NTRK2: variants seen among roughly 807,000 people sequenced by gnomAD.
The protein encoded by NTRK2 is neurotrophic receptor tyrosine kinase 2, also known as BDNF/NT-3 growth factors receptor.
In NTRK2, 13 loss-of-function variants were observed where a neutral mutation model predicts 94.5. The observed-to-expected ratio is 0.14, with a 90% CI of 0.09 to 0.22. The LOEUF is 0.22. NTRK2 is among the 10% of genes least tolerant of loss of function. The pLI, the probability that NTRK2 is intolerant of heterozygous loss-of-function variation, is 1.00. For synonymous variants in NTRK2, 372 were observed against 407.4 expected (o/e 0.91, Z 1.05); for missense variants, 639 against 1,071.2 (o/e 0.60, Z 5.63).
At chr9:84,971,430 A>T (rs533222977) in intron 17 of NTRK2, among the ~76,000 whole-genome samples, 54 of 152,332 alleles carry the variant, frequency 3.5e-4, no homozygotes, top group South Asian at 6.2e-4. Context: ...AGGGAATCTA[A>T]CCAGGTTAGA....
chr9:84,873,517 A>C (rs200160085), intron 14 of NTRK2: 60 of 1,056,996 alleles, frequency 5.7e-5, no homozygotes, highest in South Asian at 1.4e-4. Context: ...CCCCATTGCT[A>C]GCTACAACAA....
chr9:84,751,995 G>A lies in NTRK2; in HGVS notation c.1306G>A (p.Val436Met). 1 of 1,613,976 alleles carries A rather than the reference G, an allele frequency of 6.2e-7. No homozygotes were observed. The highest frequency in any genetic ancestry group is 8.5e-7 in the Non-Finnish European group (1 of 1,179,876). Residue 436 changes from valine (V) to methionine (M), a missense_variant, in exon 12 of 19, where the codon GTG becomes ATG. By Grantham distance (21) the Val-to-Met change is conservative. Around this residue, in one of 5 missense-constraint regions of NTRK2, gnomAD observed 343 missense variants for 571.5 expected, o/e 0.60. Coordinates refer to ENST00000277120, the MANE Select transcript of NTRK2 (RefSeq NM_006180.6). ...TGREHLSVYA[V>M]VVIASVVGFC... ...CCCTTCCTTTCTCTAGGTCTATGCT[G>A]TGGTGGTGATTGCGTCTGTGGTGGG...
chr9:84,908,425 C>T (rs554918067), intron 14 of NTRK2, among the ~76,000 whole-genome samples: 136 of 150,830 alleles, frequency 9.0e-4, no homozygotes, highest in African/African-American at 3.0e-3. Flanking sequence ...AAAGAAAAAA[C>T]GAAAATAATA....
intron 12 of NTRK2, among the ~76,000 whole-genome samples, chr9:84,833,293 CTAAG>C (rs1206643557): frequency 6.6e-6 from 1 of 152,112 alleles, no homozygotes; most frequent in Non-Finnish European, 1.5e-5. Flanking sequence ...ACTAGAGGAA[CTAAG>C]TAAGAATATC....
At chr9:84,809,008 T>G (rs1210845944) in intron 12 of NTRK2, among the ~76,000 whole-genome samples, 1 of 152,196 alleles carries the variant, frequency 6.6e-6, no homozygotes, top group Non-Finnish European at 1.5e-5. Flanking sequence ...ACATGGTCTA[T>G]TTTGCCACTT....
At chr9:85,004,087 A>AAAGGAAGGGAGGAAGGGAGGAAGGGAGT (rs1830681831) in intron 17 of NTRK2, among the ~76,000 whole-genome samples, 1 of 63,316 alleles carries the variant, frequency 1.6e-5, no homozygotes, top group Non-Finnish European at 3.9e-5. Context: ...GAAGAGGGAG[A>AAAGGAAGGGAGGAAGGGAGGAAGGGAGT]GAGAAAGGAA....
chr9:84,752,132 G>C, intron 12 of NTRK2, 47 bp downstream of exon 12: 1 of 1,437,738 alleles, frequency 7.0e-7, no homozygotes, highest in Non-Finnish European at 9.8e-7. Context: ...ATCATTTTTG[G>C]CTTATGACTA....
At chr9:84,805,102 A>C (rs560075075) in intron 12 of NTRK2, among the ~76,000 whole-genome samples, 1 of 152,364 alleles carries the variant, frequency 6.6e-6, no homozygotes, top group South Asian at 2.1e-4. Flanking sequence ...GACACTTGTC[A>C]TCAGAGCCTG....
intron 12 of NTRK2, among the ~76,000 whole-genome samples, chr9:84,788,837 C>G (rs1177682900): frequency 6.6e-6 from 1 of 152,036 alleles, no homozygotes; most frequent in Non-Finnish European, 1.5e-5. Flanking sequence ...TCCTCCCAGA[C>G]CAGGTGGCTA....
chr9:84,962,140 G>C (rs1825014628), intron 17 of NTRK2, among the ~76,000 whole-genome samples: 1 of 152,120 alleles, frequency 6.6e-6, no homozygotes, highest in Middle Eastern at 3.2e-3. Flanking sequence ...TGACATATTA[G>C]ATTGCATTCT....
chr9:84,897,075 C>T (rs766584780), intron 14 of NTRK2, among the ~76,000 whole-genome samples: 18 of 152,080 alleles, frequency 1.2e-4, no homozygotes, highest in South Asian at 8.3e-4. Flanking sequence ...TGTGGCTCCT[C>T]GTGGCTAGAC....
rs75911743 is a variant in NTRK2, at chr9:84,685,938, T to C, written c.212+14978T>C. ...AAGGCAGGGACATATGGATCTTGTT[T>C]ACTGCTCTTTCCTAGCATCTAGCAC... On this transcript the variant is annotated intron_variant, in intron 2 of 18. Coordinates refer to ENST00000277120, the MANE Select transcript of NTRK2 (RefSeq NM_006180.6). 1.2e-4 allele frequency among the ~76,000 whole-genome samples: 18 copies of C among 152,354 alleles called. 1 individual carries two copies. In the East Asian group the frequency reaches 3.5e-3, roughly 29 times the overall value.
intron 12 of NTRK2, among the ~76,000 whole-genome samples, chr9:84,858,435 C>G (rs1013807283): frequency 2.6e-5 from 4 of 151,972 alleles, no homozygotes; most frequent in Non-Finnish European, 4.4e-5. Context: ...TTTCCCTCCC[C>G]CAACCCCCCT....
At chr9:84,961,926 A>G (rs1824987340) in intron 17 of NTRK2, among the ~76,000 whole-genome samples, 1 of 152,200 alleles carries the variant, frequency 6.6e-6, no homozygotes, top group African/African-American at 2.4e-5. Context: ...AGAGGAAGAC[A>G]GAAAGTAGGA....
At chr9:84,890,141 G>A (rs1379089491) in intron 14 of NTRK2, among the ~76,000 whole-genome samples, 1 of 152,188 alleles carries the variant, frequency 6.6e-6, no homozygotes, top group Non-Finnish European at 1.5e-5. Flanking sequence ...GGCTTGGCAT[G>A]TTGTAGTCAG....
Position 84,931,716 on chromosome 9 carries a change from C to CAAAAA in NTRK2, c.1634-2436_1634-2432dup, listed in dbSNP as rs11395381. Reference sequence around the variant, plus strand: ...AAGAAAGAAGGTATGTAATAAAATGCAAAAAAAAAAAAAACAAAAAAAACC... The same window carrying CAAAAA: ...AAGAAAGAAGGTATGTAATAAAATGCAAAAAAAAAAAAAAAAAAACAAAAAAAACC... On this transcript the variant is annotated intron_variant, in intron 14 of 18. Transcript: ENST00000277120. Among the ~76,000 whole-genome samples the CAAAAA allele has an allele frequency of 3.8e-3, 379 of 100,176 alleles. 6 individuals carry two copies. The highest frequency in any genetic ancestry group is 0.011 in the African/African-American group (333 of 30,932). 65.7% of individuals were successfully genotyped at this position (100,176 alleles called of 152,430 possible).
At chr9:84,961,428 G>A (rs1185833962) in intron 17 of NTRK2, among the ~76,000 whole-genome samples, 2 of 152,136 alleles carry the variant, frequency 1.3e-5, no homozygotes, top group African/African-American at 2.4e-5. Flanking sequence ...AACACTTAGA[G>A]CACAGTTCAG....
intron 4 of NTRK2, among the ~76,000 whole-genome samples, chr9:84,704,439 G>A (rs184976712): frequency 6.5e-4 from 99 of 151,844 alleles, no homozygotes; most frequent in Middle Eastern, 3.4e-3. Context: ...CATTAGCCAG[G>A]ATGGTCTCGA....
At chr9:84,919,087 C>A (rs377037040) in intron 14 of NTRK2, among the ~76,000 whole-genome samples, 14 of 152,260 alleles carry the variant, frequency 9.2e-5, no homozygotes, top group African/African-American at 3.4e-4. Context: ...TTGCGTCATA[C>A]CCCTGATTGA....
Sources: gnomAD v4.1 joint callset for allele counts (sites outside exome capture counted in the v4.1 genomes callset) on GRCh38, gnomAD v4.1.1 for gene constraint, gnomAD v4.1.1 regional missense constraint, MANE v1.5 for transcripts, NCBI Gene and HGNC (gene_info 2026-07-23, HGNC 2026-07-21) for gene names.